ATG9B: variants seen among roughly 807,000 people sequenced by gnomAD.
The protein encoded by ATG9B is autophagy related 9B.
Under a neutral mutation model 92.9 loss-of-function variants are expected in ATG9B, and 92 were observed. The observed-to-expected ratio is 0.99, with a 90% CI of 0.84 to 1.18. ATG9B has a LOEUF of 1.18. ATG9B is among the 50% of genes most tolerant of loss of function. ATG9B has a pLI of 0.00. For missense variants in ATG9B, 1,344 were observed against 1,235.0 expected, an observed-to-expected ratio of 1.09 and a Z score of -1.32; for synonymous variants, 599 against 551.4, an observed-to-expected ratio of 1.09 and a Z score of -1.21.
At chr7:151,014,474 A>G (rs1428842848), downstream of ATG9B, 1 of 410,400 alleles carries the variant, frequency 2.4e-6, no homozygotes, top group Non-Finnish European at 4.3e-6. Flanking sequence ...TGCCTCTCTC[A>G]GGAGTATCTT....
chr7:151,021,059 G>A (rs1432231525), intron 5 of ATG9B, 129 bp downstream of exon 5: 1 of 1,107,712 alleles, frequency 9.0e-7, no homozygotes, highest in East Asian at 2.4e-5. Flanking sequence ...TAGGGCAGGT[G>A]TCAATAAGAC....
intron 1 of ATG9B, 60 bp from the exon 2 acceptor site, chr7:151,023,790 C>T (rs1236122903): frequency 1.1e-5 from 17 of 1,612,788 alleles, no homozygotes; most frequent in Admixed American, 5.0e-5. Context: ...ACGTTCTCAA[C>T]CCGCTGCCAG....
chr7:151,012,829 T>C (rs1480336527), downstream of ATG9B: 1 of 335,312 alleles, frequency 3.0e-6, no homozygotes, highest in Non-Finnish European at 5.5e-6. Flanking sequence ...AAGGTGTTCA[T>C]ATTGAGCATG....
downstream of ATG9B, chr7:151,012,369 G>C (rs781291432): frequency 6.3e-7 from 1 of 1,575,054 alleles, no homozygotes; most frequent in Non-Finnish European, 8.6e-7. Flanking sequence ...CCTTCCGGCT[G>C]CCACCCGATC....
rs201977926 is a variant in ATG9B at position 151,021,189 on chromosome 7, G to A, written c.962C>T (p.Pro321Leu). Residue 321 changes from proline (P) to leucine (L), a missense_variant and splice_region_variant, in exon 5 of 14, where the codon CCG becomes CTG. Coordinates refer to ENST00000639579, the MANE Select transcript of ATG9B (RefSeq NM_001317056.2). ...VFYREALHIPPEELSSVPWAE... is the reference protein window; with the variant it reads ...VFYREALHIPLEELSSVPWAE... The stretch of plus-strand genomic sequence containing the variant: ...CACAGACACAGCCACCCAGCTCACC[G>A]GGGGGATGTGCAGGGCCTCCCTGTA... 23 of 1,612,772 alleles carry A rather than the reference G, an allele frequency of 1.4e-5. No homozygotes were observed. In the East Asian group the frequency reaches 1.8e-4, roughly 13 times the overall value.
rs1309939184 is a variant in ATG9B at position 151,015,933 on chromosome 7, G to A, written c.2738C>T (p.Thr913Ile). 1 of 1,551,654 alleles carries A rather than the reference G, an allele frequency of 6.4e-7. No individual in the cohort carries two copies. The highest frequency in any genetic ancestry group is 8.7e-7 in the Non-Finnish European group (1 of 1,146,976). ...FPGGFQVTTD[T>I]QKEPDRASCT... ...AGAGGCCCGGTCAGGCTCCTTCTGG[G>A]TGTCTGTGGTCACCTGAAACCCTCC... The change falls in exon 13 of 14, where the codon ACC becomes ATC. Residue 913 changes from threonine to isoleucine, a missense_variant. Physicochemically the swap from Thr to Ile is moderately conservative, Grantham distance 89. Coordinates refer to ENST00000639579, the MANE Select transcript of ATG9B (RefSeq NM_001317056.2).
At chr7:151,022,928 A>G in intron 4 of ATG9B, 117 bp downstream of exon 4, 1 of 1,395,826 alleles carries the variant, frequency 7.2e-7, no homozygotes, top group Non-Finnish European at 9.9e-7. Flanking sequence ...TTTTGGTCCT[A>G]AGACCAAAAG....
rs1795496796 is a variant in ATG9B, at chr7:151,016,578, C to T, written c.2424-51G>A. ...AAAGTCATGCCCTCCTCCCGCCACACCCCAGAGGACTCCCCTTCTGAATCC... is the reference window on the plus strand; with the variant it reads ...AAAGTCATGCCCTCCTCCCGCCACATCCCAGAGGACTCCCCTTCTGAATCC... On this transcript the variant is annotated intron_variant, in intron 10 of 13. Coordinates refer to ENST00000639579, the MANE Select transcript of ATG9B (RefSeq NM_001317056.2). 9 of 1,544,944 alleles carry T rather than the reference C, an allele frequency of 5.8e-6. No homozygotes were observed. In the South Asian group the frequency reaches 6.0e-5, roughly 10 times the overall value.
chr7:151,015,723 G>A lies in ATG9B; in HGVS notation c.*15-10C>T, dbSNP rs1795449980. 2.0e-6 allele frequency: 2 copies of A among 1,005,080 alleles called. No homozygotes were observed. Among genetic ancestry groups the A allele is most frequent in the Non-Finnish European group, 2.7e-6 (2 of 735,966 alleles). The allele number at this position is 1,005,080 out of a possible 1,614,324, so 62.3% of individuals were successfully genotyped here. A position where few individuals can be genotyped will look rare whatever the true frequency, so the allele number is the denominator to read the frequency against. On this transcript the variant is annotated splice_polypyrimidine_tract_variant and intron_variant, in intron 13 of 13. Transcript: ENST00000639579. The stretch of plus-strand genomic sequence containing the variant: ...GCCGAAGCCAGGGTACCTGTGGGAG[G>A]AGACGGCTCTTGGCAAGCAGTCCAG...
chr7:151,022,941 T>A, intron 4 of ATG9B, 104 bp downstream of exon 4: 2 of 1,479,090 alleles, frequency 1.4e-6, no homozygotes, highest in Middle Eastern at 2.1e-4. Flanking sequence ...ACCAAAAGCT[T>A]TGAGAACTGC....
At position 151,024,108 on chromosome 7, in the gene ATG9B, T is replaced by C. The variant is rs756173035; in HGVS notation, c.316A>G (p.Thr106Ala). ...CAGGAGGGAGATGCAGAGGCAGGTG[T>C]CATTGCAGGTTGAGCCTGTGTTGGG... ...TPPTQAQPAM[T>A]PASASPSWGS... Residue 106 changes from threonine (T) to alanine (A), a missense_variant, in exon 1 of 14, where the codon ACA becomes GCA. Physicochemically the swap from Thr to Ala is moderately conservative, Grantham distance 58 (BLOSUM62 0). Transcript: ENST00000639579. 1.9e-6 allele frequency: 3 copies of C among 1,603,680 alleles called. No homozygotes were observed. The highest frequency in any genetic ancestry group is 3.4e-5 in the Admixed American group (2 of 59,204).
downstream of ATG9B, chr7:151,013,888 CGAGGCCGGCGACGTCATCG>C: frequency 1.2e-6 from 2 of 1,600,176 alleles, no homozygotes; most frequent in Non-Finnish European, 1.7e-6. Context: ...TGGAGCTGGA[CGAGGCCGGCGACGTCATCG>C]GCGTGCTGCG....
chr7:151,023,873 C>T lies in ATG9B; in HGVS notation c.550+1G>A. 1.2e-6 allele frequency: 2 copies of T among 1,610,838 alleles called. No individual in the cohort carries two copies. Among genetic ancestry groups the T allele is most frequent in the African/African-American group, 1.3e-5 (1 of 74,944 alleles). On this transcript the variant is annotated splice_donor_variant, in intron 1 of 13. Transcript: ENST00000639579. LOFTEE classifies it high-confidence loss of function. ...TCTCCCACCCACACCCACACACATA[C>T]CTCGGAGCCCTTCAGGGACATGAAG...
chr7:151,017,297 G>A (rs1795541689), intron 8 of ATG9B, 25 bp from the exon 9 acceptor site: 2 of 1,557,082 alleles, frequency 1.3e-6, no homozygotes, highest in Non-Finnish European at 1.7e-6. Flanking sequence ...AGTCTTTCAG[G>A]TGCTAAGAAC....
chr7:151,018,563 T>C lies in ATG9B; in HGVS notation c.1718+57A>G. On this transcript the variant is annotated intron_variant, in intron 6 of 13. Coordinates refer to ENST00000639579, the MANE Select transcript of ATG9B (RefSeq NM_001317056.2). The surrounding 1 kb of genome is among the most constrained non-coding windows in gnomAD (Gnocchi z 4.7). The stretch of plus-strand genomic sequence containing the variant: ...GTAAGGATTCGGGGGGAACCTCACA[T>C]GGCCCCAGATCAGAGAAACCAACAC... 1 of 1,550,624 alleles carries C rather than the reference T, an allele frequency of 6.4e-7. No homozygotes were observed. The highest frequency in any genetic ancestry group is 1.2e-5 in the South Asian group (1 of 85,288).
Position 151,018,892 on chromosome 7 carries a change from G to A in ATG9B, c.1446C>T (p.Ser482=), listed in dbSNP as rs977154134. The A allele has an allele frequency of 9.6e-6, 14 of 1,452,824 alleles. No individual in the cohort carries two copies. In the African/African-American group the frequency reaches 1.8e-4, roughly 19 times the overall value. The allele number at this position is 1,452,824 out of a possible 1,614,324, so 90.0% of individuals were successfully genotyped here. A position where few individuals can be genotyped will look rare whatever the true frequency, so the allele number is the denominator to read the frequency against. Residue 482 remains serine (S), a synonymous_variant, in exon 6 of 14, where the codon TCC becomes TCT. Coordinates refer to ENST00000639579, the MANE Select transcript of ATG9B (RefSeq NM_001317056.2). The surrounding 1 kb of genome is among the most constrained non-coding windows in gnomAD (Gnocchi z 4.7). ...GGCGCAGCTGCAAGCGCGCCAGGCGGGACCAGCCGCGCGCCCCCAGCGCGC... is the reference window on the plus strand; with the variant it reads ...GGCGCAGCTGCAAGCGCGCCAGGCGAGACCAGCCGCGCGCCCCCAGCGCGC... ...EPGALGARGW[S]RLARLQLRHF...
chr7:151,016,706 C>A lies in ATG9B; in HGVS notation c.2405G>T (p.Arg802Leu). ...TCCTCACCTGGGGTCCTGGGCAATT[C>A]GGGAAATGGAGGCAAGGAGGCTGGC... The part of the protein sequence containing the change: ...ATASLLASIS[R>L]IAQDPSSVSP... Residue 802 changes from arginine to leucine, a missense_variant, in exon 10 of 14, where the codon CGA becomes CTA. By Grantham distance (102) the Arg-to-Leu change is moderately radical (BLOSUM62 -2). Coordinates refer to ENST00000639579, the MANE Select transcript of ATG9B (RefSeq NM_001317056.2). 1 of 1,602,112 alleles carries A rather than the reference C, an allele frequency of 6.2e-7. No homozygotes were observed. Among genetic ancestry groups the A allele is most frequent in the Non-Finnish European group, 8.5e-7 (1 of 1,173,514 alleles).
At position 151,024,218 on chromosome 7, in the gene ATG9B, G is replaced by C. The variant is rs1430012366; in HGVS notation, c.206C>G (p.Pro69Arg). The change falls in exon 1 of 14, where the codon CCC becomes CGC. Residue 69 changes from proline to arginine, a missense_variant. Physicochemically the swap from Pro to Arg is moderately radical, Grantham distance 103. Coordinates refer to ENST00000639579, the MANE Select transcript of ATG9B (RefSeq NM_001317056.2). ...CACTGAGCAAGGGGGCCCTGCGGTG[G>C]GAGGGGAAAATGAGGAGGGGGAGCT... ...TRSSPSSFSP[P>R]TAGPPCSVLQ... The C allele has an allele frequency of 1.3e-6, 2 of 1,487,000 alleles. No homozygotes were observed. The highest frequency in any genetic ancestry group is 1.8e-6 in the Non-Finnish European group (2 of 1,116,618). The allele number at this position is 1,487,000 out of a possible 1,614,324, so 92.1% of individuals were successfully genotyped here. A position where few individuals can be genotyped will look rare whatever the true frequency, so the allele number is the denominator to read the frequency against.
At chr7:151,022,442 T>A (rs1373734815) in intron 4 of ATG9B, among the ~76,000 whole-genome samples, 3 of 150,828 alleles carry the variant, frequency 2.0e-5, no homozygotes, top group Non-Finnish European at 4.4e-5. Context: ...GGCCTAATTT[T>A]AATTTTTTAT....
Sources: gnomAD v4.1 joint callset for allele counts (sites outside exome capture counted in the v4.1 genomes callset) on GRCh38, gnomAD v4.1.1 for gene constraint, Gnocchi (gnomAD v3.1) non-coding constraint, MANE v1.5 for transcripts, NCBI Gene and HGNC (gene_info 2026-07-23, HGNC 2026-07-21) for gene names.